PXDNL: variants seen among roughly 807,000 people sequenced by gnomAD.
The protein encoded by PXDNL is peroxidasin like.
In PXDNL, 145 loss-of-function variants were observed where a neutral mutation model predicts 150.8. The ratio of observed to expected loss-of-function variants is 0.96; its 90% CI spans 0.84 to 1.10. PXDNL has a LOEUF of 1.10. PXDNL is among the 50% of genes least tolerant of loss of function. The pLI, the probability that PXDNL is intolerant of heterozygous loss-of-function variation, is 0.00. For missense variants in PXDNL, 2,087 were observed against 1,873.9 expected (o/e 1.11, Z -2.10); for synonymous variants, 757 against 725.7 (o/e 1.04, Z -0.69).
intron 21 of PXDNL, among the ~76,000 whole-genome samples, chr8:51,321,427 A>T (rs1274715738): frequency 4.6e-5 from 7 of 152,230 alleles, no homozygotes; most frequent in African/African-American, 1.7e-4. Flanking sequence ...TCCCAAGGGG[A>T]GCAGAAGGGC....
intron 1 of PXDNL, among the ~76,000 whole-genome samples, chr8:51,681,822 G>A (rs2130847744): frequency 6.6e-6 from 1 of 152,242 alleles, no homozygotes; most frequent in Non-Finnish European, 1.5e-5. Context: ...CACCCACTGG[G>A]ACTCCACCTC....
At chr8:51,464,994 G>A (rs1156742966) in intron 8 of PXDNL, among the ~76,000 whole-genome samples, 1 of 152,202 alleles carries the variant, frequency 6.6e-6, no homozygotes, top group East Asian at 1.9e-4. Flanking sequence ...GAGCTTGTGC[G>A]AATTCTACTT....
At chr8:51,660,044 C>T (rs1466717141) in intron 1 of PXDNL, among the ~76,000 whole-genome samples, 1 of 151,972 alleles carries the variant, frequency 6.6e-6, no homozygotes, top group African/African-American at 2.4e-5. Context: ...CGCCCACCAC[C>T]ATGTCGGGCT....
intron 1 of PXDNL, among the ~76,000 whole-genome samples, chr8:51,682,953 C>T (rs931664726): frequency 2.6e-5 from 4 of 151,624 alleles, no homozygotes; most frequent in African/African-American, 7.3e-5. Flanking sequence ...TAAGGAACGA[C>T]CAGAGCGCTA....
At chr8:51,580,939 T>C (rs568931715) in intron 3 of PXDNL, among the ~76,000 whole-genome samples, 113 of 152,282 alleles carry the variant, frequency 7.4e-4, no homozygotes, top group Middle Eastern at 3.4e-3. Context: ...TTAGCAAATA[T>C]ACAATGCAAA....
chr8:51,751,835 T>C (rs2037048287), intron 1 of PXDNL, among the ~76,000 whole-genome samples: 1 of 152,236 alleles, frequency 6.6e-6, no homozygotes, highest in East Asian at 1.9e-4. Context: ...TCCTTCTAAT[T>C]TCCCCTCTTT....
intron 1 of PXDNL, among the ~76,000 whole-genome samples, chr8:51,759,075 G>T (rs1039885828): frequency 5.3e-5 from 8 of 152,136 alleles, no homozygotes; most frequent in Non-Finnish European, 8.8e-5. Context: ...AGGGTTTCAG[G>T]GTGCTCTGTG....
chr8:51,670,764 C>G (rs1815482931), intron 1 of PXDNL, among the ~76,000 whole-genome samples: 1 of 152,180 alleles, frequency 6.6e-6, no homozygotes. Context: ...ACTGGCAACT[C>G]TCTTTAACAT....
At chr8:51,624,253 G>A (rs539725342) in intron 2 of PXDNL, among the ~76,000 whole-genome samples, 3 of 152,216 alleles carry the variant, frequency 2.0e-5, no homozygotes, top group South Asian at 4.1e-4. Flanking sequence ...ACCACAGACC[G>A]GTGGTATTTA....
chr8:51,633,199 C>T (rs1814528155), intron 2 of PXDNL, among the ~76,000 whole-genome samples: 1 of 152,156 alleles, frequency 6.6e-6, no homozygotes, highest in African/African-American at 2.4e-5. Flanking sequence ...TGAGCTCCAG[C>T]TGCATCCACG....
chr8:51,426,041 T>G (rs1809090522), intron 13 of PXDNL, among the ~76,000 whole-genome samples: 1 of 152,218 alleles, frequency 6.6e-6, no homozygotes, highest in Admixed American at 6.5e-5. Flanking sequence ...AAAACTGACA[T>G]TCAAGTGTGC....
intron 1 of PXDNL, among the ~76,000 whole-genome samples, chr8:51,692,561 G>C (rs941065295): frequency 2.0e-5 from 3 of 152,190 alleles, no homozygotes; most frequent in South Asian, 2.1e-4. Flanking sequence ...TCAAAGAAAT[G>C]AGAGGTTATG....
At chr8:51,470,083 T>C (rs1001355802) in intron 8 of PXDNL, among the ~76,000 whole-genome samples, 1 of 152,112 alleles carries the variant, frequency 6.6e-6, no homozygotes, top group East Asian at 1.9e-4. Context: ...CTTTGTAACC[T>C]TGAACACACC....
At chr8:51,397,410 T>C (rs1808113135) in intron 17 of PXDNL, among the ~76,000 whole-genome samples, 2 of 152,230 alleles carry the variant, frequency 1.3e-5, no homozygotes, top group East Asian at 1.9e-4. Flanking sequence ...ACAGGAAATA[T>C]AATACCTCAA....
At chr8:51,747,640 G>A (rs1486666669) in intron 1 of PXDNL, among the ~76,000 whole-genome samples, 1 of 152,194 alleles carries the variant, frequency 6.6e-6, no homozygotes, top group Non-Finnish European at 1.5e-5. Flanking sequence ...GGGACTGGCA[G>A]AGCTAGGGCA....
intron 2 of PXDNL, among the ~76,000 whole-genome samples, chr8:51,593,557 T>A (rs1162523666): frequency 2.6e-5 from 4 of 152,168 alleles, no homozygotes; most frequent in Admixed American, 2.6e-4. Context: ...ATATTTGTTT[T>A]GTGGGGTTTT....
At chr8:51,699,005 G>C (rs1047761594) in intron 1 of PXDNL, among the ~76,000 whole-genome samples, 4 of 152,158 alleles carry the variant, frequency 2.6e-5, no homozygotes, top group Admixed American at 6.5e-5. Context: ...GAAATGTGCT[G>C]TCATCCAGGC....
intron 2 of PXDNL, among the ~76,000 whole-genome samples, chr8:51,626,952 G>A (rs1027061151): frequency 5.9e-5 from 9 of 152,068 alleles, no homozygotes; most frequent in African/African-American, 1.9e-4. Flanking sequence ...GCTTTCTTGA[G>A]GTTGCCCAGT....
At chr8:51,746,084 A>G (rs1242046729) in intron 1 of PXDNL, among the ~76,000 whole-genome samples, 1 of 151,474 alleles carries the variant, frequency 6.6e-6, no homozygotes, top group Non-Finnish European at 1.5e-5. Context: ...AAGACACACA[A>G]TTCCATAGAT....
Sources: allele counts gnomAD v4.1 joint callset (sites outside exome capture counted in the v4.1 genomes callset), GRCh38; gene constraint gnomAD v4.1.1; transcripts MANE v1.5; gene names NCBI Gene and HGNC (gene_info 2026-07-23, HGNC 2026-07-21).